Variants in PBX1 observed in about 807,000 individuals in gnomAD.
PBX1 encodes the protein PBX homeobox 1.
A neutral mutation model predicts 53.4 loss-of-function variants in PBX1; 6 were observed. The observed-to-expected ratio is 0.11, with a 90% CI of 0.06 to 0.22. The LOEUF (loss-of-function observed/expected upper bound fraction) is 0.22, where lower values mean the gene tolerates loss of function less well. PBX1 is among the 10% of genes least tolerant of loss of function. The pLI, the probability that PBX1 is intolerant of heterozygous loss-of-function variation, is 1.00. For missense variants in PBX1, 251 were observed against 551.4 expected, an observed-to-expected ratio of 0.46 and a Z score of 5.46; for synonymous variants, 204 against 212.3, an observed-to-expected ratio of 0.96 and a Z score of 0.34.
intron 2 of PBX1, among the ~76,000 whole-genome samples, chr1:164,625,778 A>G (rs1311342916): frequency 6.6e-6 from 1 of 151,550 alleles, no homozygotes; most frequent in Non-Finnish European, 1.5e-5. Context: ...TCTGCTAATA[A>G]TGAAATTATA....
chr1:164,691,702 T>C (rs1780364), intron 2 of PBX1, among the ~76,000 whole-genome samples: 145,581 of 152,250 alleles, frequency 0.96, 69,934 homozygotes, highest in East Asian at 1. Flanking sequence ...ACCCAACTGA[T>C]GTTGCGTCAC....
chr1:164,762,275 A>C (rs2102224488), intron 2 of PBX1, among the ~76,000 whole-genome samples: 1 of 152,330 alleles, frequency 6.6e-6, no homozygotes, highest in South Asian at 2.1e-4. Flanking sequence ...TTACAGTAAG[A>C]GCTCTGATGC....
chr1:164,869,335 A>G lies in PBX1; in HGVS notation n.258-29853A>G, dbSNP rs190162309. On this transcript the variant is annotated intron_variant and non_coding_transcript_variant, in intron 2 of 2. Coordinates refer to the PBX1 transcript ENST00000558796. ...GCCTGTTTCTGCTCTGCTAGTCAGT[A>G]AGCCTGGATAAGCTCCCAGGCCAGG... 9.2e-5 allele frequency among the ~76,000 whole-genome samples: 14 copies of G among 152,306 alleles called. No individual in the cohort carries two copies. The East Asian group carries it at 2.7e-3, about 29-fold the overall frequency.
At position 164,560,000 on chromosome 1, in the gene PBX1, G is replaced by A; in HGVS notation, c.178G>A (p.Glu60Lys). Residue 60 changes from glutamate to lysine, a missense_variant, in exon 1 of 9, where the codon GAG becomes AAG. Physicochemically the swap from Glu to Lys is moderately conservative, Grantham distance 56 (BLOSUM62 1). This residue lies in a region of PBX1 where 63 missense variants were observed against 78.7 expected (regional missense o/e 0.80). Coordinates refer to ENST00000420696, the MANE Select transcript of PBX1 (RefSeq NM_002585.4). ...GACCATCACAGACCAGAGTTTGGAT[G>A]AGGCGCAGGCCAGGTGAGATGGAGG... ...IMTITDQSLD[E>K]AQARKHALNC... 6.9e-7 allele frequency: 1 copy of A among 1,458,648 alleles called. No homozygotes were observed. Among genetic ancestry groups the A allele is most frequent in the Non-Finnish European group, 9.1e-7 (1 of 1,097,470 alleles). The allele number at this position is 1,458,648 out of a possible 1,614,324, so 90.4% of individuals were successfully genotyped here.
intron 8 of PBX1, chr1:164,828,630 T>C (rs1468831129): frequency 2.0e-5 from 3 of 151,956 alleles, no homozygotes; most frequent in African/African-American, 7.3e-5. Context: ...CTCAAGTTGG[T>C]CCCTCCTTCT....
chr1:164,699,685 A>G (rs890621501), intron 2 of PBX1, among the ~76,000 whole-genome samples: 1 of 152,190 alleles, frequency 6.6e-6, no homozygotes, highest in African/African-American at 2.4e-5. Context: ...GGGAAATGCC[A>G]GGACTGTCCC....
At chr1:164,565,452 CAA>C (rs1491560630) in intron 2 of PBX1, among the ~76,000 whole-genome samples, 1 of 151,458 alleles carries the variant, frequency 6.6e-6, no homozygotes. Flanking sequence ...CACACACACA[CAA>C]GTCTTGGATT....
intron 2 of PBX1, among the ~76,000 whole-genome samples, chr1:164,859,936 G>T (rs1490278268): frequency 6.6e-6 from 1 of 152,196 alleles, no homozygotes; most frequent in Non-Finnish European, 1.5e-5. Flanking sequence ...AAGCCAGGAA[G>T]AAATAGAATT....
chr1:164,711,303 G>A lies in PBX1; in HGVS notation c.266-81191G>A, dbSNP rs1017193909. Among the ~76,000 whole-genome samples, 6 of 152,052 alleles carry A rather than the reference G, an allele frequency of 3.9e-5. No homozygotes were observed. The East Asian group carries it at 9.7e-4, about 24-fold the overall frequency. ...TTTTGAAACAGAGTCTTGCTCTGTC[G>A]CCCATGCTGGAGTGCAGTGGCGCGA... On this transcript the variant is annotated intron_variant, in intron 2 of 8. Coordinates refer to ENST00000420696, the MANE Select transcript of PBX1 (RefSeq NM_002585.4).
Position 164,882,644 on chromosome 1 carries a change from T to G in PBX1, n.258-16544T>G, listed in dbSNP as rs555389015. On this transcript the variant is annotated intron_variant and non_coding_transcript_variant, in intron 2 of 2. Transcript: ENST00000558796. Reference sequence around the variant, plus strand: ...AAATAGAGATGGAGTCTCACTATGTTGATTAGGCTGGCCTCCAACTCCTGG... The same window carrying G: ...AAATAGAGATGGAGTCTCACTATGTGGATTAGGCTGGCCTCCAACTCCTGG... Among the ~76,000 whole-genome samples, 3 of 152,296 alleles carry G rather than the reference T, an allele frequency of 2.0e-5. No homozygotes were observed. In the East Asian group the frequency reaches 5.8e-4, roughly 29 times the overall value.
intron 6 of PBX1, chr1:164,816,445 G>A (rs1399451087): frequency 2.6e-5 from 4 of 152,096 alleles, no homozygotes; most frequent in Admixed American, 2.0e-4. Context: ...ACAGAAAATG[G>A]CAACTACTTC....
chr1:164,704,969 AT>A (rs891949519), intron 2 of PBX1, among the ~76,000 whole-genome samples: 3 of 152,136 alleles, frequency 2.0e-5, no homozygotes, highest in African/African-American at 7.2e-5. Context: ...CCAACTTCTC[AT>A]TTTTCATTTC....
downstream of PBX1, among the ~76,000 whole-genome samples, chr1:164,852,740 T>C (rs556292162): frequency 1.4e-4 from 22 of 152,230 alleles, no homozygotes; most frequent in Non-Finnish European, 2.8e-4. Flanking sequence ...CCTATGGGAA[T>C]CAAATTATCA....
At chr1:164,779,211 A>G (rs756554423) in intron 2 of PBX1, among the ~76,000 whole-genome samples, 14 of 151,954 alleles carry the variant, frequency 9.2e-5, no homozygotes, top group Non-Finnish European at 1.3e-4. Flanking sequence ...TCTCTACCAC[A>G]TTGTCCACAT....
At chr1:164,773,715 G>T (rs1667503973) in intron 2 of PBX1, among the ~76,000 whole-genome samples, 1 of 152,156 alleles carries the variant, frequency 6.6e-6, no homozygotes, top group Non-Finnish European at 1.5e-5. Context: ...TTCACCCATG[G>T]ATCATCTCTA....
chr1:164,593,757 C>A (rs777183897), intron 2 of PBX1, among the ~76,000 whole-genome samples: 9 of 152,134 alleles, frequency 5.9e-5, no homozygotes, highest in Non-Finnish European at 7.3e-5. Flanking sequence ...GTGCCTTGTG[C>A]TTGGGGACCA....
chr1:164,722,024 T>A (rs1664439798), intron 2 of PBX1, among the ~76,000 whole-genome samples: 1 of 152,212 alleles, frequency 6.6e-6, no homozygotes, highest in Admixed American at 6.5e-5. Flanking sequence ...CTAACATCTT[T>A]TAAACCCAGT....
intron 2 of PBX1, among the ~76,000 whole-genome samples, chr1:164,859,265 C>T (rs1008660962): frequency 1.3e-5 from 2 of 152,124 alleles, no homozygotes; most frequent in African/African-American, 4.8e-5. Flanking sequence ...GGATCATTCT[C>T]CAGGTACATC....
intron 2 of PBX1, among the ~76,000 whole-genome samples, chr1:164,673,832 C>T (rs551994726): frequency 1.3e-5 from 2 of 152,236 alleles, no homozygotes; most frequent in Non-Finnish European, 2.9e-5. Flanking sequence ...GGGGGCAGAG[C>T]GACAGACTTG....
Sources: gnomAD v4.1 joint callset for allele counts (sites outside exome capture counted in the v4.1 genomes callset) on GRCh38, gnomAD v4.1.1 for gene constraint, gnomAD v4.1.1 regional missense constraint, MANE v1.5 for transcripts, NCBI Gene and HGNC (gene_info 2026-07-23, HGNC 2026-07-21) for gene names.